CALCRL: variants seen among roughly 807,000 people sequenced by gnomAD.
The protein encoded by CALCRL is calcitonin gene-related peptide type 1 receptor.
Under a neutral mutation model 60.4 loss-of-function variants are expected in CALCRL, and 27 were observed. The observed-to-expected ratio is 0.45, with a 90% CI of 0.33 to 0.62. CALCRL has a LOEUF of 0.62. Ranked by LOEUF, CALCRL falls within the 20% of genes least tolerant of loss-of-function variation. The pLI, the probability that CALCRL is intolerant of heterozygous loss-of-function variation, is 0.03. For synonymous variants in CALCRL, 190 were observed against 182.6 expected, an observed-to-expected ratio of 1.04 and a Z score of -0.33; for missense variants, 424 against 540.7, an observed-to-expected ratio of 0.78 and a Z score of 2.14.
At chr2:187,400,176 T>C (rs1326831689) in intron 1 of CALCRL, among the ~76,000 whole-genome samples, 8 of 151,540 alleles carry the variant, frequency 5.3e-5, no homozygotes, top group Non-Finnish European at 8.9e-5. Context: ...ACACATTGTA[T>C]GTATTGAAAT....
At chr2:187,348,813 C>T (rs569821799) in intron 14 of CALCRL, among the ~76,000 whole-genome samples, 8 of 151,570 alleles carry the variant, frequency 5.3e-5, no homozygotes, top group East Asian at 3.9e-4. Flanking sequence ...CTGTTAAATA[C>T]GACATTAAAG....
intron 8 of CALCRL, among the ~76,000 whole-genome samples, chr2:187,369,292 C>A (rs1025162980): frequency 2.6e-5 from 4 of 152,106 alleles, no homozygotes; most frequent in African/African-American, 9.7e-5. Context: ...GAAAGTCTTT[C>A]TGAATACCTG....
intron 1 of CALCRL, among the ~76,000 whole-genome samples, chr2:187,435,849 G>A (rs1690614440): frequency 7.9e-6 from 1 of 127,304 alleles, no homozygotes; most frequent in South Asian, 3.1e-4. Context: ...CTTGAATCAA[G>A]GTGTGTGTGT....
At chr2:187,369,081 G>A (rs1399974040) in intron 8 of CALCRL, among the ~76,000 whole-genome samples, 1 of 152,116 alleles carries the variant, frequency 6.6e-6, no homozygotes, top group Non-Finnish European at 1.5e-5. Context: ...GAAGGTCCTA[G>A]AGGATAAATT....
intron 8 of CALCRL, among the ~76,000 whole-genome samples, chr2:187,363,898 CAT>C (rs1198460155): frequency 6.6e-6 from 1 of 152,150 alleles, no homozygotes; most frequent in East Asian, 1.9e-4. Flanking sequence ...GTCAGATTCT[CAT>C]GTGGATAACT....
chr2:187,406,398 AT>A (rs1287948532), intron 1 of CALCRL, among the ~76,000 whole-genome samples: 2 of 152,102 alleles, frequency 1.3e-5, no homozygotes, highest in Non-Finnish European at 2.9e-5. Flanking sequence ...TGTACAGAAT[AT>A]TCAATACACA....
At chr2:187,403,563 G>A (rs548201878) in intron 1 of CALCRL, among the ~76,000 whole-genome samples, 1 of 151,892 alleles carries the variant, frequency 6.6e-6, no homozygotes, top group South Asian at 2.1e-4. Flanking sequence ...CAAAACATTC[G>A]TGTTTAAGGA....
rs946465931 is a variant in CALCRL at position 187,344,837 on chromosome 2, A to T, written c.*1347T>A. The T allele has an allele frequency of 6.6e-6, 1 of 151,686 alleles. No homozygotes were observed. Among genetic ancestry groups the T allele is most frequent in the African/African-American group, 2.4e-5 (1 of 41,390 alleles). 9.4% of individuals were successfully genotyped at this position (151,686 alleles called of 1,614,324 possible). On this transcript the variant is annotated 3_prime_UTR_variant, in exon 15 of 15. Coordinates refer to ENST00000392370, the MANE Select transcript of CALCRL (RefSeq NM_005795.6). ...TAAAGTAATATTTTAATGGGGTAAA[A>T]TCTATAAAAGTAGCAGATTGGTATT... is the stretch of plus-strand genomic sequence containing the variant.
intron 1 of CALCRL, among the ~76,000 whole-genome samples, chr2:187,412,447 C>T (rs980772485): frequency 7.9e-5 from 12 of 152,188 alleles, no homozygotes; most frequent in African/African-American, 2.9e-4. Flanking sequence ...ATTCGCTTAT[C>T]TCTCTGACTC....
At chr2:187,370,195 T>C (rs1687461612) in intron 8 of CALCRL, among the ~76,000 whole-genome samples, 2 of 152,198 alleles carry the variant, frequency 1.3e-5, no homozygotes, top group South Asian at 4.1e-4. Context: ...TAATATCTAG[T>C]CATTCTGTTT....
chr2:187,390,273 ATAT>A (rs1222119466), intron 1 of CALCRL, among the ~76,000 whole-genome samples: 3 of 152,144 alleles, frequency 2.0e-5, no homozygotes, highest in Non-Finnish European at 2.9e-5. Context: ...CATATTTAAG[ATAT>A]TAGTAGTTCA....
At position 187,343,783 on chromosome 2, in the gene CALCRL, T is replaced by C. The variant is rs1022274536; in HGVS notation, c.*2401A>G. 2 of 151,618 alleles carry C rather than the reference T, an allele frequency of 1.3e-5. No homozygotes were observed. The highest frequency in any genetic ancestry group is 3.8e-4 in the East Asian group (2 of 5,196). 9.4% of individuals were successfully genotyped at this position (151,618 alleles called of 1,614,324 possible). A position where few individuals can be genotyped will look rare whatever the true frequency, so the allele number is the denominator to read the frequency against. On this transcript the variant is annotated 3_prime_UTR_variant, in exon 15 of 15. Transcript: ENST00000392370. Reference sequence around the variant, plus strand: ...CTTTATGAGTATGATACAAAGATATTAAGTAGCATTTAGCTTTTGAGAAAT... The same window carrying C: ...CTTTATGAGTATGATACAAAGATATCAAGTAGCATTTAGCTTTTGAGAAAT...
intron 1 of CALCRL, among the ~76,000 whole-genome samples, chr2:187,399,792 G>A (rs1688808861): frequency 6.6e-6 from 1 of 151,420 alleles, no homozygotes; most frequent in South Asian, 2.1e-4. Flanking sequence ...ATGAAATCTT[G>A]TGGCATCATG....
intron 1 of CALCRL, among the ~76,000 whole-genome samples, chr2:187,445,463 A>G (rs1239366169): frequency 6.6e-6 from 1 of 151,666 alleles, no homozygotes; most frequent in Non-Finnish European, 1.5e-5. Context: ...TTGATCCTTT[A>G]AAGATTATTA....
chr2:187,397,560 A>G (rs1459719826), intron 1 of CALCRL, among the ~76,000 whole-genome samples: 3 of 151,716 alleles, frequency 2.0e-5, no homozygotes, highest in Admixed American at 1.3e-4. Context: ...ATTTGTATAA[A>G]TTTAAGGGTT....
At chr2:187,364,464 G>A (rs1687192817) in intron 8 of CALCRL, among the ~76,000 whole-genome samples, 1 of 151,724 alleles carries the variant, frequency 6.6e-6, no homozygotes, top group Admixed American at 6.6e-5. Flanking sequence ...CATGATGTGT[G>A]TGTGTGTTTT....
At chr2:187,392,486 A>T (rs1045121225) in intron 1 of CALCRL, among the ~76,000 whole-genome samples, 1 of 152,150 alleles carries the variant, frequency 6.6e-6, no homozygotes, top group Non-Finnish European at 1.5e-5. Flanking sequence ...TATCTCTTGA[A>T]TCAAAACAAG....
intron 1 of CALCRL, among the ~76,000 whole-genome samples, chr2:187,431,017 C>T (rs1452379130): frequency 3.9e-5 from 6 of 151,984 alleles, no homozygotes; most frequent in Non-Finnish European, 8.8e-5. Context: ...ATTTAACACT[C>T]CCGGTAGTCT....
intron 1 of CALCRL, among the ~76,000 whole-genome samples, chr2:187,415,327 C>T (rs1689553275): frequency 6.6e-6 from 1 of 152,122 alleles, no homozygotes; most frequent in Non-Finnish European, 1.5e-5. Context: ...GAATAGTGAG[C>T]ACAGCCAAGG....
Sources: allele counts gnomAD v4.1 joint callset (sites outside exome capture counted in the v4.1 genomes callset), GRCh38; gene constraint gnomAD v4.1.1; transcripts MANE v1.5; gene names NCBI Gene and HGNC (gene_info 2026-07-23, HGNC 2026-07-21).